Variants in CLIC5 observed in about 807,000 individuals in gnomAD.
CLIC5 encodes the protein chloride intracellular channel protein 5.
A neutral mutation model predicts 24.7 loss-of-function variants in CLIC5; 20 were observed. That is an observed-to-expected ratio of 0.81 (90% CI 0.57 to 1.18). CLIC5 has a LOEUF of 1.18. Among genes scored for constraint, CLIC5 ranks in the 50% most tolerant of loss-of-function variants. The pLI, the probability that CLIC5 is intolerant of heterozygous loss-of-function variation, is 0.00. For missense variants in CLIC5, 341 were observed against 326.1 expected (o/e 1.05, Z -0.35); for synonymous variants, 159 against 135.6 (o/e 1.17, Z -1.20).
chr6:46,125,479 G>C, the CLIC5 span, among the ~76,000 whole-genome samples: 1 of 152,150 alleles, frequency 6.6e-6, no homozygotes, highest in African/African-American at 2.4e-5. Context: ...TAATGTAAAT[G>C]ACGAGTTAAT....
intron 4 of CLIC5, among the ~76,000 whole-genome samples, chr6:45,924,615 A>G (rs557548940): frequency 1.5e-3 from 224 of 152,296 alleles, no homozygotes; most frequent in Non-Finnish European, 2.5e-3. Flanking sequence ...AGGAGAATTT[A>G]AAATAGTGTG....
the CLIC5 span, among the ~76,000 whole-genome samples, chr6:46,100,006 G>A: frequency 2.0e-5 from 3 of 151,592 alleles, no homozygotes; most frequent in Non-Finnish European, 4.4e-5. Context: ...AAACGGGGCT[G>A]AGACCTCGCT....
At chr6:46,123,298 A>G in the CLIC5 span, among the ~76,000 whole-genome samples, 1 of 152,220 alleles carries the variant, frequency 6.6e-6, no homozygotes, top group African/African-American at 2.4e-5. Context: ...CTATAAACGT[A>G]ATCCAGCATA....
In CLIC5 at chr6:46,036,290, A is replaced by T. The variant is rs893082629; in HGVS notation, c.540+43413T>A. Among the ~76,000 whole-genome samples, 4 of 136,028 alleles carry T rather than the reference A, an allele frequency of 2.9e-5. No homozygotes were observed. In the South Asian group the frequency reaches 9.4e-4, roughly 32 times the overall value. 89.2% of individuals were successfully genotyped at this position (136,028 alleles called of 152,430 possible). ...CCTTTCATTCTTGTCTTGTCTCCCC[A>T]CCTAGACTGCAAGGTCTTTTTTTTT... On this transcript the variant is annotated intron_variant, in intron 1 of 5. Coordinates refer to the CLIC5 transcript ENST00000185206.
At chr6:45,948,874 T>G (rs978051434) in intron 3 of CLIC5, among the ~76,000 whole-genome samples, 1 of 150,774 alleles carries the variant, frequency 6.6e-6, no homozygotes, top group Non-Finnish European at 1.5e-5. Context: ...ATTTTCATTC[T>G]GTCAGGCTTT....
chr6:45,993,238 T>C (rs1766006080), intron 1 of CLIC5, among the ~76,000 whole-genome samples: 1 of 152,220 alleles, frequency 6.6e-6, no homozygotes, highest in African/African-American at 2.4e-5. Flanking sequence ...GAAATTCTAA[T>C]GTCTACATTG....
intron 1 of CLIC5, among the ~76,000 whole-genome samples, chr6:45,959,995 A>G (rs1371762803): frequency 6.6e-6 from 1 of 152,158 alleles, no homozygotes; most frequent in Non-Finnish European, 1.5e-5. Flanking sequence ...CTGAAACACT[A>G]GTAAACTTAC....
intron 5 of CLIC5, among the ~76,000 whole-genome samples, chr6:45,910,005 C>T (rs1762772266): frequency 1.3e-5 from 2 of 152,182 alleles, no homozygotes; most frequent in Admixed American, 1.3e-4. Context: ...ATGAAAAACT[C>T]ACTGTTGCAG....
At chr6:45,979,186 A>G (rs1269596648) in intron 1 of CLIC5, among the ~76,000 whole-genome samples, 1 of 152,160 alleles carries the variant, frequency 6.6e-6, no homozygotes, top group Non-Finnish European at 1.5e-5. Flanking sequence ...TAGAATAAGA[A>G]TCTTCCCTTT....
intron 4 of CLIC5, among the ~76,000 whole-genome samples, chr6:45,932,216 TCTC>T (rs1170118750): frequency 1.3e-5 from 2 of 152,174 alleles, no homozygotes; most frequent in Non-Finnish European, 2.9e-5. Context: ...TTCAAGTAAT[TCTC>T]CTGCCTCAAC....
At position 45,949,514 on chromosome 6, in the gene CLIC5, G is replaced by A. The variant is rs1023169970; in HGVS notation, c.174-133C>T. 4 of 938,528 alleles carry A rather than the reference G, an allele frequency of 4.3e-6. No individual in the cohort carries two copies. In the African/African-American group the frequency reaches 5.0e-5, roughly 12 times the overall value. 58.1% of individuals were successfully genotyped at this position (938,528 alleles called of 1,614,324 possible). On this transcript the variant is annotated intron_variant, in intron 2 of 5. Coordinates refer to ENST00000339561, the MANE Select transcript of CLIC5 (RefSeq NM_016929.5). ...GTCAGGTGAAACAGATTTATGGTAT[G>A]CAGTATAGGGCAGGGGAGGTTGGAG...
chr6:46,085,071 C>G (rs1324293501), upstream of CLIC5, among the ~76,000 whole-genome samples: 4 of 152,182 alleles, frequency 2.6e-5, no homozygotes, highest in Non-Finnish European at 5.9e-5. Flanking sequence ...CGCATTGGCT[C>G]CTGAGGCTTC....
chr6:46,102,007 G>C, the CLIC5 span, among the ~76,000 whole-genome samples: 1 of 151,906 alleles, frequency 6.6e-6, no homozygotes, highest in South Asian at 2.1e-4. Flanking sequence ...GGTATGAGGA[G>C]TGAGATAATA....
In CLIC5 at chr6:45,902,866, G is replaced by A. The variant is rs1412503642; in HGVS notation, c.*222C>T. The A allele has an allele frequency of 1.8e-6, 1 of 561,880 alleles. No homozygotes were observed. Among genetic ancestry groups the A allele is most frequent in the Non-Finnish European group, 3.1e-6 (1 of 320,354 alleles). 34.8% of individuals were successfully genotyped at this position (561,880 alleles called of 1,614,324 possible). On this transcript the variant is annotated 3_prime_UTR_variant, in exon 6 of 6. Coordinates refer to ENST00000339561, the MANE Select transcript of CLIC5 (RefSeq NM_016929.5). ...AGATCAGGCTGGCCGGCCGAAAGGTGGACTGTGTCTATCATTTCTGCTAGA... is the reference window on the plus strand; with the variant it reads ...AGATCAGGCTGGCCGGCCGAAAGGTAGACTGTGTCTATCATTTCTGCTAGA...
upstream of CLIC5, among the ~76,000 whole-genome samples, chr6:46,081,904 A>C (rs1762925889): frequency 6.6e-6 from 1 of 152,104 alleles, no homozygotes; most frequent in Non-Finnish European, 1.5e-5. Flanking sequence ...ATGATCACAC[A>C]CTGTCCCTTC....
intron 1 of CLIC5, among the ~76,000 whole-genome samples, chr6:46,002,667 G>A (rs1261345193): frequency 1.3e-5 from 2 of 152,166 alleles, no homozygotes; most frequent in Non-Finnish European, 2.9e-5. Flanking sequence ...TTTTTAAAAG[G>A]ACGTCTAAGA....
At chr6:45,915,460 G>T (rs964687341) in intron 4 of CLIC5, among the ~76,000 whole-genome samples, 1 of 152,174 alleles carries the variant, frequency 6.6e-6, no homozygotes, top group African/African-American at 2.4e-5. Flanking sequence ...AGGGGGAATA[G>T]AACAGCCCTT....
intron 4 of CLIC5, among the ~76,000 whole-genome samples, chr6:45,922,018 A>T (rs1763282328): frequency 6.6e-6 from 1 of 152,180 alleles, no homozygotes; most frequent in Non-Finnish European, 1.5e-5. Context: ...AGGCAGAAAG[A>T]CAAACAGCGG....
intron 1 of CLIC5, among the ~76,000 whole-genome samples, chr6:46,011,918 A>T (rs1766823136): frequency 6.6e-6 from 1 of 152,228 alleles, no homozygotes; most frequent in African/African-American, 2.4e-5. Context: ...TCCCCAAGGC[A>T]AATCAGGGAC....
Sources: gnomAD v4.1 joint callset for allele counts (sites outside exome capture counted in the v4.1 genomes callset) on GRCh38, gnomAD v4.1.1 for gene constraint, MANE v1.5 for transcripts, NCBI Gene and HGNC (gene_info 2026-07-23, HGNC 2026-07-21) for gene names.